The following ZNF704 variants were observed in gnomAD, a reference collection of about 807,000 sequenced individuals.
The protein encoded by ZNF704 is glucocorticoid induced gene 1.
Under a neutral mutation model 44.7 loss-of-function variants are expected in ZNF704, and 10 were observed. The observed-to-expected ratio is 0.22, with a 90% CI of 0.14 to 0.38. The LOEUF is 0.38. ZNF704 is among the 10% of genes least tolerant of loss of function. The pLI, the probability that ZNF704 is intolerant of heterozygous loss-of-function variation, is 1.00. For synonymous variants in ZNF704, 211 were observed against 207.6 expected (o/e 1.02, Z -0.14); for missense variants, 390 against 545.5 (o/e 0.71, Z 2.84).
chr8:80,782,953 A>G (rs1435922744), intron 2 of ZNF704, among the ~76,000 whole-genome samples: 1 of 152,174 alleles, frequency 6.6e-6, no homozygotes, highest in Admixed American at 6.6e-5. Flanking sequence ...AAATCCACAT[A>G]TTAGTGGATC....
At chr8:80,719,003 T>C (rs1310021832) in intron 2 of ZNF704, among the ~76,000 whole-genome samples, 2 of 152,204 alleles carry the variant, frequency 1.3e-5, no homozygotes, top group Non-Finnish European at 2.9e-5. Flanking sequence ...CTCACTCTGT[T>C]GTCCAGGCTG....
intron 1 of ZNF704, among the ~76,000 whole-genome samples, chr8:80,840,890 G>T (rs550031810): frequency 4.6e-5 from 7 of 152,258 alleles, no homozygotes; most frequent in Admixed American, 1.3e-4. Context: ...CTTTATAGTA[G>T]CTGTACCATT....
intron 2 of ZNF704, among the ~76,000 whole-genome samples, chr8:80,753,966 C>T (rs868811411): frequency 6.6e-5 from 10 of 152,108 alleles, no homozygotes; most frequent in African/African-American, 1.7e-4. Context: ...CACTTCCAGG[C>T]GAAGTGATGC....
chr8:80,720,146 C>T (rs1439320833), intron 2 of ZNF704, among the ~76,000 whole-genome samples: 1 of 152,180 alleles, frequency 6.6e-6, no homozygotes, highest in Admixed American at 6.5e-5. Context: ...TGCTGTGTGC[C>T]CCCATCACCC....
intron 2 of ZNF704, among the ~76,000 whole-genome samples, chr8:80,792,654 A>G (rs1807730857): frequency 6.6e-6 from 1 of 152,186 alleles, no homozygotes; most frequent in Non-Finnish European, 1.5e-5. Flanking sequence ...ACACATCAGG[A>G]GTAAAGGTTT....
At chr8:80,867,771 T>C in intron 1 of ZNF704, among the ~76,000 whole-genome samples, 1 of 152,220 alleles carries the variant, frequency 6.6e-6, no homozygotes. Flanking sequence ...GATAGTCTAA[T>C]AGACGTGTTA....
chr8:80,713,623 G>A (rs550285365), intron 2 of ZNF704, among the ~76,000 whole-genome samples: 1 of 152,316 alleles, frequency 6.6e-6, no homozygotes, highest in Admixed American at 6.5e-5. Flanking sequence ...GAGGAAGCAG[G>A]GAGAAGAGAG....
intron 4 of ZNF704, among the ~76,000 whole-genome samples, chr8:80,682,397 A>AC (rs1249745041): frequency 6.6e-6 from 1 of 152,252 alleles, no homozygotes; most frequent in African/African-American, 2.4e-5. Context: ...TAAGACACAT[A>AC]CCTGTGAAAT....
chr8:80,653,738 T>A (rs1641152600), intron 7 of ZNF704, among the ~76,000 whole-genome samples: 2 of 152,178 alleles, frequency 1.3e-5, no homozygotes, highest in Non-Finnish European at 2.9e-5. Context: ...ATAGGAAGAA[T>A]CAATATCGTG....
At chr8:80,773,171 G>A (rs1473065063) in intron 2 of ZNF704, among the ~76,000 whole-genome samples, 1 of 152,106 alleles carries the variant, frequency 6.6e-6, no homozygotes, top group Non-Finnish European at 1.5e-5. Context: ...CCCATGGTAT[G>A]GACTGTTTGT....
intron 1 of ZNF704, among the ~76,000 whole-genome samples, chr8:80,843,971 G>GTATA (rs143495397): frequency 5.3e-4 from 76 of 143,296 alleles, no homozygotes; most frequent in African/African-American, 1.4e-3. Context: ...ATATATATGT[G>GTATA]TATATATATA....
At chr8:80,690,289 A>G (rs893462366) in intron 3 of ZNF704, among the ~76,000 whole-genome samples, 2 of 152,232 alleles carry the variant, frequency 1.3e-5, no homozygotes, top group Non-Finnish European at 2.9e-5. Flanking sequence ...AAGGAACACT[A>G]AAAATGTTCT....
At chr8:80,790,244 C>A (rs1807681104) in intron 2 of ZNF704, among the ~76,000 whole-genome samples, 1 of 152,166 alleles carries the variant, frequency 6.6e-6, no homozygotes, top group Non-Finnish European at 1.5e-5. Flanking sequence ...ATTTTAAGAA[C>A]ACCTCAGGGG....
At chr8:80,669,405 C>A (rs1818245256) in intron 5 of ZNF704, among the ~76,000 whole-genome samples, 1 of 152,104 alleles carries the variant, frequency 6.6e-6, no homozygotes, top group Admixed American at 6.5e-5. Flanking sequence ...GCCAGGGAAG[C>A]CTTACCAGGT....
chr8:80,810,130 T>G (rs113258588), intron 2 of ZNF704, among the ~76,000 whole-genome samples: 47 of 152,354 alleles, frequency 3.1e-4, no homozygotes, highest in African/African-American at 9.9e-4. Context: ...TGTCAACACT[T>G]GTATACACTC....
At chr8:80,658,808 C>T (rs1285700142) in intron 7 of ZNF704, 1 of 152,134 alleles carries the variant, frequency 6.6e-6, no homozygotes, top group Non-Finnish European at 1.5e-5. Flanking sequence ...CAGTGGTTGA[C>T]AATAAGAAGC....
intron 1 of ZNF704, among the ~76,000 whole-genome samples, chr8:80,871,893 C>T (rs1448386176): frequency 1.3e-5 from 2 of 152,052 alleles, no homozygotes; most frequent in Non-Finnish European, 2.9e-5. Context: ...AAATGAAGCC[C>T]ATTTTGAAAG....
intron 2 of ZNF704, among the ~76,000 whole-genome samples, chr8:80,728,140 T>C (rs983838740): frequency 1.3e-5 from 2 of 152,228 alleles, no homozygotes; most frequent in East Asian, 3.8e-4. Context: ...CTATGCTAAA[T>C]GTTTTATATA....
intron 1 of ZNF704, among the ~76,000 whole-genome samples, chr8:80,825,972 A>C (rs566137249): frequency 1.2e-4 from 19 of 152,260 alleles, no homozygotes; most frequent in East Asian, 1.2e-3. Flanking sequence ...CAAGAGAAAG[A>C]AGGAAAGATC....
Sources: allele counts gnomAD v4.1 joint callset (sites outside exome capture counted in the v4.1 genomes callset), GRCh38; gene constraint gnomAD v4.1.1; transcripts MANE v1.5; gene names NCBI Gene and HGNC (gene_info 2026-07-23, HGNC 2026-07-21).